Variants in ANXA11 observed in about 807,000 individuals in gnomAD.
ANXA11 encodes the protein 56 kDa autoantigen.
In ANXA11, 57 loss-of-function variants were observed where a neutral mutation model predicts 64.7. The ratio of observed to expected loss-of-function variants is 0.88; its 90% CI spans 0.71 to 1.10. The LOEUF is 1.10. ANXA11 is among the 50% of genes least tolerant of loss of function. The pLI is 0.00. For missense variants in ANXA11, 675 were observed against 670.7 expected (o/e 1.01, Z -0.07); for synonymous variants, 260 against 265.2 (o/e 0.98, Z 0.19).
intron 8 of ANXA11, 36 bp downstream of exon 8, chr10:80,166,048 A>ACGCGCACACGCG (rs752511424): frequency 2.7e-6 from 1 of 374,950 alleles, no homozygotes; most frequent in African/African-American, 3.2e-5. Context: ...GCGCGCACAC[A>ACGCGCACACGCG]CACACACACA....
chr10:80,165,662 G>T (rs1014243979), intron 8 of ANXA11, among the ~76,000 whole-genome samples: 2 of 152,146 alleles, frequency 1.3e-5, no homozygotes, highest in African/African-American at 4.8e-5. Flanking sequence ...CCACATGACT[G>T]ATTCTCCACT....
intron 1 of ANXA11, among the ~76,000 whole-genome samples, chr10:80,197,758 TA>T (rs1187231077): frequency 3.3e-5 from 5 of 152,126 alleles, no homozygotes; most frequent in African/African-American, 1.2e-4. Context: ...CCGTCTCTAC[TA>T]AAAATACAAA....
At position 80,169,125 on chromosome 10, in the gene ANXA11, G is replaced by A. The variant is rs1478123927; in HGVS notation, c.405C>T (p.Pro135=). 3 of 1,544,656 alleles carry A rather than the reference G, an allele frequency of 1.9e-6. No individual in the cohort carries two copies. Among genetic ancestry groups the A allele is most frequent in the East Asian group, 2.3e-5 (1 of 44,384 alleles). ...GAPVPGQPMP[P]PGQQPPGAYP... Reference sequence around the variant, plus strand: ...AGGCCCCTGGGGGCTGCTGTCCGGGGGGTGGCATGGGCTGGCCCGGCACAG... The same window carrying A: ...AGGCCCCTGGGGGCTGCTGTCCGGGAGGTGGCATGGGCTGGCCCGGCACAG... Residue 135 remains proline, a synonymous_variant, in exon 5 of 16, where the codon CCC becomes CCT. Coordinates refer to ENST00000422982, the MANE Select transcript of ANXA11 (RefSeq NM_145868.2).
intron 1 of ANXA11, among the ~76,000 whole-genome samples, chr10:80,184,540 G>C (rs1166597305): frequency 1.3e-5 from 2 of 152,152 alleles, no homozygotes; most frequent in African/African-American, 4.8e-5. Flanking sequence ...GTGTGTGTGA[G>C]AGAGAGACAG....
intron 1 of ANXA11, among the ~76,000 whole-genome samples, chr10:80,199,172 A>G: frequency 7.0e-6 from 1 of 143,764 alleles, no homozygotes. Context: ...TCTCGGCTCC[A>G]CTGCAAGCTC....
At chr10:80,161,901 T>C (rs1845524312) in intron 12 of ANXA11, 34 bp downstream of exon 12, 1 of 1,565,724 alleles carries the variant, frequency 6.4e-7, no homozygotes, top group East Asian at 2.2e-5. Flanking sequence ...TGCCCTCATC[T>C]AACTGGCCTC....
intron 1 of ANXA11, among the ~76,000 whole-genome samples, chr10:80,178,749 C>T (rs1388599595): frequency 6.6e-6 from 1 of 152,230 alleles, no homozygotes; most frequent in Non-Finnish European, 1.5e-5. Flanking sequence ...GATGCTGATG[C>T]TGCCTGCCTG....
At chr10:80,172,999 T>C in intron 2 of ANXA11, 130 bp from the exon 3 acceptor site, 1 of 750,924 alleles carries the variant, frequency 1.3e-6, no homozygotes, top group East Asian at 2.6e-5. Context: ...GCATCTGCCC[T>C]GCTTGTCGCA....
At chr10:80,200,548 G>T (rs1840375451) in intron 1 of ANXA11, among the ~76,000 whole-genome samples, 1 of 152,162 alleles carries the variant, frequency 6.6e-6, no homozygotes, top group African/African-American at 2.4e-5. Flanking sequence ...TATAAGTAGA[G>T]CTGGACTTTA....
intron 15 of ANXA11, 102 bp downstream of exon 15, chr10:80,157,539 A>G: frequency 1.1e-5 from 17 of 1,525,506 alleles, no homozygotes; most frequent in South Asian, 2.6e-5. Context: ...AGATGCCCAC[A>G]CACAGCACAG....
intron 12 of ANXA11, 99 bp downstream of exon 12, chr10:80,161,836 G>T (rs74145412): frequency 3.8e-6 from 4 of 1,056,558 alleles, no homozygotes; most frequent in Non-Finnish European, 5.7e-6. Flanking sequence ...AAAGCCCCAC[G>T]CAGGGAGGAA....
chr10:80,169,124 G>T lies in ANXA11; in HGVS notation c.406C>A (p.Pro136Thr), dbSNP rs1396049084. The T allele has an allele frequency of 1.3e-6, 2 of 1,544,086 alleles. No homozygotes were observed. The highest frequency in any genetic ancestry group is 8.7e-7 in the Non-Finnish European group (1 of 1,150,914). Residue 136 changes from proline (P) to threonine (T), a missense_variant, in exon 5 of 16, where the codon CCC becomes ACC. Physicochemically the swap from Pro to Thr is conservative, Grantham distance 38. Transcript: ENST00000422982. ...TAGGCCCCTGGGGGCTGCTGTCCGG[G>T]GGGTGGCATGGGCTGGCCCGGCACA... ...APVPGQPMPP[P>T]GQQPPGAYPG...
Position 80,169,126 on chromosome 10 carries a change from G to A in ANXA11, c.404C>T (p.Pro135Leu), listed in dbSNP as rs1429396059. The A allele has an allele frequency of 4.5e-6, 7 of 1,544,874 alleles. No homozygotes were observed. In the South Asian group the frequency reaches 7.7e-5, roughly 17 times the overall value. The change falls in exon 5 of 16, where the codon CCC becomes CTC. Residue 135 changes from proline (P) to leucine (L), a missense_variant. Physicochemically the swap from Pro to Leu is moderately conservative, Grantham distance 98. Transcript: ENST00000422982. ...GAPVPGQPMP[P>L]PGQQPPGAYP... ...GGCCCCTGGGGGCTGCTGTCCGGGG[G>A]GTGGCATGGGCTGGCCCGGCACAGG... is the stretch of plus-strand genomic sequence containing the variant.
intron 1 of ANXA11, among the ~76,000 whole-genome samples, chr10:80,177,741 T>C (rs1846221600): frequency 6.6e-6 from 1 of 152,162 alleles, no homozygotes; most frequent in Non-Finnish European, 1.5e-5. Context: ...TTTCTCCACA[T>C]GCCCAAGTGA....
intron 12 of ANXA11, among the ~76,000 whole-genome samples, chr10:80,160,269 TA>T (rs1845454276): frequency 6.6e-6 from 1 of 152,200 alleles, no homozygotes; most frequent in Non-Finnish European, 1.5e-5. Context: ...AAATAATGAT[TA>T]AGATGAAAAT....
In ANXA11 at chr10:80,157,856, G is replaced by A. The variant is rs557024909; in HGVS notation, c.1336-93C>T. 93 of 1,585,356 alleles carry A rather than the reference G, an allele frequency of 5.9e-5. 1 individual carries two copies. Among genetic ancestry groups the A allele is most frequent in the East Asian group, 4.0e-4 (18 of 44,532 alleles). On this transcript the variant is annotated intron_variant, in intron 14 of 15. Transcript: ENST00000422982. ...CAGTCCCCTCCCTACCCAGGTCCTC[G>A]GAACTCTCAGCTGAGATTTAGCTCT...
intron 5 of ANXA11, among the ~76,000 whole-genome samples, chr10:80,168,739 T>C (rs1226058968): frequency 6.6e-6 from 1 of 152,046 alleles, no homozygotes; most frequent in Non-Finnish European, 1.5e-5. Flanking sequence ...GTTTCACCAT[T>C]TCGCCCAGGT....
At chr10:80,170,671 G>C (rs1845933770) in intron 4 of ANXA11, 129 bp downstream of exon 4, 1 of 628,264 alleles carries the variant, frequency 1.6e-6, no homozygotes, top group Non-Finnish European at 2.4e-6. Flanking sequence ...CTAAGGTACA[G>C]CTCAACACAC....
intron 8 of ANXA11, among the ~76,000 whole-genome samples, chr10:80,164,484 C>G (rs1845647954): frequency 6.6e-6 from 1 of 152,134 alleles, no homozygotes; most frequent in Admixed American, 6.5e-5. Context: ...ATTCAGAGTT[C>G]AGCCGGAAGC....
Sources: gnomAD v4.1 joint callset for allele counts (sites outside exome capture counted in the v4.1 genomes callset) on GRCh38, gnomAD v4.1.1 for gene constraint, MANE v1.5 for transcripts, NCBI Gene and HGNC (gene_info 2026-07-23, HGNC 2026-07-21) for gene names.